BCAS3: variants seen among roughly 807,000 people sequenced by gnomAD.
BCAS3 encodes BCAS4/BCAS3 fusion.
In BCAS3, 53 loss-of-function variants were observed where a neutral mutation model predicts 116.1. That is an observed-to-expected ratio of 0.46 (90% confidence interval 0.37 to 0.57). The LOEUF (loss-of-function observed/expected upper bound fraction) is 0.57. BCAS3 is among the 20% of genes least tolerant of loss of function. The probability of loss-of-function intolerance (pLI) is 0.00; values close to 1 mark genes in which losing one functional copy is unlikely to be tolerated. For synonymous variants in BCAS3, 391 were observed against 408.2 expected, an observed-to-expected ratio of 0.96 and a Z score of 0.51; for missense variants, 917 against 1,165.4, an observed-to-expected ratio of 0.79 and a Z score of 3.10.
At position 61,258,634 on chromosome 17, in the gene BCAS3, T is replaced by C. The variant is rs958574084; in HGVS notation, c.2426-109693T>C. 2.0e-5 allele frequency among the ~76,000 whole-genome samples: 3 copies of C among 152,268 alleles called. No individual in the cohort carries two copies. The highest frequency in any genetic ancestry group is 1.3e-4 in the Admixed American group (2 of 15,282). ...CCCCTTGATCATAATACAACATTGA[T>C]TAAGTAAGTAGACTGATGTTCACTC... On this transcript the variant is annotated intron_variant, in intron 22 of 23. Coordinates refer to ENST00000407086, the MANE Select transcript of BCAS3 (RefSeq NM_017679.5). The surrounding 1 kb of genome is among the most constrained non-coding windows in gnomAD (Gnocchi z 4.7).
At chr17:61,201,718 T>C (rs2080828927) in intron 22 of BCAS3, among the ~76,000 whole-genome samples, 1 of 152,082 alleles carries the variant, frequency 6.6e-6, no homozygotes, top group South Asian at 2.1e-4. Context: ...GCCTTTTCTG[T>C]ACTTTCCAGT....
intron 22 of BCAS3, among the ~76,000 whole-genome samples, chr17:61,172,147 C>T (rs1425925760): frequency 6.6e-6 from 1 of 152,112 alleles, no homozygotes; most frequent in Non-Finnish European, 1.5e-5. Context: ...GGTGAACACA[C>T]AATTATAGTT....
rs1203686328 is a variant in BCAS3 at position 61,118,604 on chromosome 17, C to T, written c.2425+34040C>T. Among the ~76,000 whole-genome samples, 4 of 152,196 alleles carry T rather than the reference C, an allele frequency of 2.6e-5. No homozygotes were observed. The highest frequency in any genetic ancestry group is 2.9e-5 in the Non-Finnish European group (2 of 68,036). The stretch of plus-strand genomic sequence containing the variant: ...TCAAGGGTGGAGTCTGGGCTCCCTA[C>T]TTGGCCTTTCCCACTGTGGGTGGTG... On this transcript the variant is annotated intron_variant, in intron 22 of 23. Transcript: ENST00000407086. The surrounding 1 kb of genome is among the most constrained non-coding windows in gnomAD (Gnocchi z 5.0).
At chr17:60,833,400 T>G (rs1262884575) in intron 7 of BCAS3, among the ~76,000 whole-genome samples, 1 of 152,226 alleles carries the variant, frequency 6.6e-6, no homozygotes, top group African/African-American at 2.4e-5. Context: ...ATAGTTTTAA[T>G]TTTTAAAAGC....
chr17:60,718,040 G>A (rs1477610202), intron 5 of BCAS3, among the ~76,000 whole-genome samples: 1 of 152,130 alleles, frequency 6.6e-6, no homozygotes, highest in Non-Finnish European at 1.5e-5. Context: ...TAGGGTTCGC[G>A]CGCCTATGAT....
At position 60,963,112 on chromosome 17, in the gene BCAS3, C is replaced by T. The variant is rs577003950; in HGVS notation, c.1221+15760C>T. ...TTGGTCTGTGTATCTATTTTTATGCCGGCACCATGCTGTTTTGGTTATTAT... is the reference window on the plus strand; with the variant it reads ...TTGGTCTGTGTATCTATTTTTATGCTGGCACCATGCTGTTTTGGTTATTAT... On this transcript the variant is annotated intron_variant, in intron 14 of 23. Transcript: ENST00000407086. 6.8e-4 allele frequency among the ~76,000 whole-genome samples: 104 copies of T among 152,162 alleles called. 1 individual carries two copies. In the South Asian group the frequency reaches 0.019, roughly 28 times the overall value.
At chr17:61,373,080 T>C (rs9905274) in intron 23 of BCAS3, among the ~76,000 whole-genome samples, 99,430 of 151,064 alleles carry the variant, frequency 0.66, 35,540 homozygotes, top group Non-Finnish European at 0.82. Flanking sequence ...CAGATCCGTG[T>C]GTAAAGTATT....
At chr17:60,722,590 G>A (rs1470006374) in intron 5 of BCAS3, among the ~76,000 whole-genome samples, 1 of 151,830 alleles carries the variant, frequency 6.6e-6, no homozygotes, top group African/African-American at 2.4e-5. Context: ...GTGAAACCCC[G>A]TCTCTATTAA....
At chr17:60,708,340 A>T (rs1315503004) in intron 4 of BCAS3, among the ~76,000 whole-genome samples, 1 of 148,516 alleles carries the variant, frequency 6.7e-6, no homozygotes, top group Non-Finnish European at 1.5e-5. Context: ...AAAAAAAAAA[A>T]AAAGTTTGTG....
At position 61,279,387 on chromosome 17, in the gene BCAS3, G is replaced by A. The variant is rs1156235444; in HGVS notation, c.2426-88940G>A. Among the ~76,000 whole-genome samples, 1 of 152,026 alleles carries A rather than the reference G, an allele frequency of 6.6e-6. No homozygotes were observed. The highest frequency in any genetic ancestry group is 1.5e-5 in the Non-Finnish European group (1 of 68,036). On this transcript the variant is annotated intron_variant, in intron 22 of 23. Transcript: ENST00000407086. The surrounding 1 kb of genome is among the most constrained non-coding windows in gnomAD (Gnocchi z 4.4). ...TTCTTTCTTCTCTTTCCATCAGTCA[G>A]TGATGCCCTTTGTGGGCAGGTTTGT...
chr17:60,796,180 C>T (rs1388177310), intron 6 of BCAS3, among the ~76,000 whole-genome samples: 1 of 152,080 alleles, frequency 6.6e-6, no homozygotes, highest in Non-Finnish European at 1.5e-5. Flanking sequence ...GGGCATGGGT[C>T]TGTAATTTTC....
intron 22 of BCAS3, among the ~76,000 whole-genome samples, chr17:61,169,911 G>A (rs563360001): frequency 4.6e-5 from 7 of 152,276 alleles, no homozygotes; most frequent in African/African-American, 1.7e-4. Flanking sequence ...CTGTAGTGCA[G>A]TGATGCGATC....
chr17:60,811,465 C>T, intron 7 of BCAS3: 2 of 559,328 alleles, frequency 3.6e-6, no homozygotes, highest in East Asian at 9.2e-5. Flanking sequence ...GACATTAAGC[C>T]AGCAGAAGCA....
At chr17:60,984,881 A>G (rs1400387581) in intron 14 of BCAS3, among the ~76,000 whole-genome samples, 1 of 151,636 alleles carries the variant, frequency 6.6e-6, no homozygotes, top group East Asian at 2.0e-4. Context: ...GTGGTGGTGC[A>G]TGCCTGTAAT....
At chr17:60,865,620 C>A (rs1050394407) in intron 7 of BCAS3, among the ~76,000 whole-genome samples, 1 of 152,156 alleles carries the variant, frequency 6.6e-6, no homozygotes, top group Non-Finnish European at 1.5e-5. Context: ...ATTCTGCAAC[C>A]TTGGTAAAGT....
At chr17:60,805,654 C>T (rs978243848) in intron 6 of BCAS3, among the ~76,000 whole-genome samples, 2 of 151,880 alleles carry the variant, frequency 1.3e-5, no homozygotes, top group African/African-American at 4.8e-5. Context: ...ACGGTGAAAC[C>T]CCGGCTCTAC....
intron 5 of BCAS3, among the ~76,000 whole-genome samples, chr17:60,712,613 A>G (rs774843201): frequency 2.0e-5 from 3 of 152,200 alleles, no homozygotes; most frequent in Non-Finnish European, 4.4e-5. Context: ...CACTTTTCAA[A>G]TGTGATTGCT....
At chr17:61,069,892 G>A (rs746001456) in intron 19 of BCAS3, 1 of 1,262,422 alleles carries the variant, frequency 7.9e-7, no homozygotes, top group Non-Finnish European at 1.1e-6. Context: ...AGCGAAGAAG[G>A]AAGCTCCTGC....
At position 61,307,587 on chromosome 17, in the gene BCAS3, T is replaced by G. The variant is rs182753571; in HGVS notation, c.2426-60740T>G. ...TAATCCCAATCTTCTCAATGAGATT[T>G]TACCAAAATAAATTAGCGTTCATAA... On this transcript the variant is annotated intron_variant, in intron 22 of 23. Transcript: ENST00000407086. The surrounding 1 kb of genome is among the most constrained non-coding windows in gnomAD (Gnocchi z 4.7). Among the ~76,000 whole-genome samples the G allele has an allele frequency of 7.9e-4, 121 of 152,316 alleles. 1 individual carries two copies. Among genetic ancestry groups the G allele is most frequent in the African/African-American group, 2.9e-3 (121 of 41,560 alleles).
Sources: allele counts gnomAD v4.1 joint callset (sites outside exome capture counted in the v4.1 genomes callset), GRCh38; gene constraint gnomAD v4.1.1; non-coding constraint Gnocchi (gnomAD v3.1); transcripts MANE v1.5; gene names NCBI Gene and HGNC (gene_info 2026-07-23, HGNC 2026-07-21).